Variants in USB1 observed in about 807,000 individuals in gnomAD.
The protein encoded by USB1 is U6 snRNA biogenesis phosphodiesterase 1.
USB1 carries 21 observed loss-of-function variants against 29.9 expected under a neutral mutation model. The ratio of observed to expected loss-of-function variants is 0.70; its 90% CI spans 0.50 to 1.01. The LOEUF (loss-of-function observed/expected upper bound fraction) is 1.01, where lower values mean the gene tolerates loss of function less well. Among genes scored for constraint, USB1 ranks in the 50% least tolerant of loss-of-function variants. The pLI, the probability that USB1 is intolerant of heterozygous loss-of-function variation, is 0.00. For synonymous variants in USB1, 143 were observed against 134.9 expected, an observed-to-expected ratio of 1.06 and a Z score of -0.42; for missense variants, 330 against 347.1, an observed-to-expected ratio of 0.95 and a Z score of 0.39.
chr16:58,006,365 A>C (rs1389465184), intron 2 of USB1, among the ~76,000 whole-genome samples: 7 of 144,736 alleles, frequency 4.8e-5, no homozygotes, highest in Admixed American at 1.4e-4. Context: ...AAAAAAAAAA[A>C]AACAAAAAAA....
At chr16:58,000,166 C>T (rs1008622198), upstream of USB1, among the ~76,000 whole-genome samples, 18 of 152,284 alleles carry the variant, frequency 1.2e-4, no homozygotes, top group Admixed American at 2.0e-4. The surrounding 1 kb of genome is among the most constrained non-coding windows in gnomAD (Gnocchi z 4.5). Flanking sequence ...ATGGCCCGGC[C>T]GCTGCGACCC....
In USB1 at chr16:58,020,457, CTT is replaced by C. The variant is rs1243511332; in HGVS notation, c.*214_*215del. On this transcript the variant is annotated 3_prime_UTR_variant, in exon 7 of 7. Coordinates refer to ENST00000219281, the MANE Select transcript of USB1 (RefSeq NM_024598.4). ...CTCTTCTTTCTCTCTCTTCTCCTCT[CTT>C]TCTCTCCTCTGTCTCTCTTCCTCTC... 5.1e-5 allele frequency: 31 copies of C among 605,042 alleles called. No homozygotes were observed. The highest frequency in any genetic ancestry group is 9.6e-5 in the South Asian group (5 of 52,252). 37.5% of individuals were successfully genotyped at this position (605,042 alleles called of 1,614,324 possible). A position where few individuals can be genotyped will look rare whatever the true frequency, so the allele number is the denominator to read the frequency against.
chr16:58,005,024 G>A (rs1963318069), intron 2 of USB1, among the ~76,000 whole-genome samples: 1 of 152,196 alleles, frequency 6.6e-6, no homozygotes, highest in African/African-American at 2.4e-5. Flanking sequence ...GCCCTTGCCT[G>A]CCTGGCAGCT....
At chr16:58,006,071 C>T (rs931722339) in intron 2 of USB1, among the ~76,000 whole-genome samples, 14 of 152,094 alleles carry the variant, frequency 9.2e-5, no homozygotes, top group African/African-American at 1.9e-4. Context: ...AAGAAAAACA[C>T]GCTGGGTGTG....
intron 3 of USB1, chr16:58,011,339 G>A: frequency 7.3e-7 from 1 of 1,377,782 alleles, no homozygotes; most frequent in Non-Finnish European, 9.4e-7. Flanking sequence ...CACCACTTGG[G>A]TGAAGGGTTA....
intron 2 of USB1, among the ~76,000 whole-genome samples, chr16:58,009,604 A>G (rs1326777030): frequency 6.6e-6 from 1 of 151,860 alleles, no homozygotes; most frequent in South Asian, 2.1e-4. Context: ...GGGCGCCCGT[A>G]GTCCCAGCTA....
chr16:58,009,900 G>A (rs1336535438), intron 2 of USB1, 29 bp from the exon 3 acceptor site: 11 of 1,613,808 alleles, frequency 6.8e-6, no homozygotes, highest in African/African-American at 4.0e-5. Context: ...CTGAGAGAAC[G>A]GCCCGCCCTC....
rs968364155 is a variant in USB1, at chr16:58,021,270, G to A, written c.*1025G>A. 1 of 152,280 alleles carries A rather than the reference G, an allele frequency of 6.6e-6. No individual in the cohort carries two copies. Among genetic ancestry groups the A allele is most frequent in the African/African-American group, 2.4e-5 (1 of 41,474 alleles). The allele number at this position is 152,280 out of a possible 1,614,324, so 9.4% of individuals were successfully genotyped here. On this transcript the variant is annotated 3_prime_UTR_variant, in exon 7 of 7. Coordinates refer to ENST00000219281, the MANE Select transcript of USB1 (RefSeq NM_024598.4). ...TCACCCCCAGCAAGGTGCCTGGGGA[G>A]ACTTGAGCAGATGTTTCATTTTGGC...
At position 58,005,505 on chromosome 16, in the gene USB1, C is replaced by G. The variant is rs1428554017; in HGVS notation, c.265+2860C>G. On this transcript the variant is annotated intron_variant, in intron 2 of 6. Coordinates refer to ENST00000219281, the MANE Select transcript of USB1 (RefSeq NM_024598.4). Reference sequence around the variant, plus strand: ...GTCTTCTGGTCACTTCTCACTATGTCCCCTCAGCTCCTATCTCTGTATGGC... The same window carrying G: ...GTCTTCTGGTCACTTCTCACTATGTGCCCTCAGCTCCTATCTCTGTATGGC... Among the ~76,000 whole-genome samples, 4 of 152,208 alleles carry G rather than the reference C, an allele frequency of 2.6e-5. No individual in the cohort carries two copies. The East Asian group carries it at 7.7e-4, about 29-fold the overall frequency.
Position 58,014,346 on chromosome 16 carries a change from A to G in USB1, c.503+20A>G, listed in dbSNP as rs1184266614. 6.2e-7 allele frequency: 1 copy of G among 1,603,526 alleles called. No homozygotes were observed. Among genetic ancestry groups the G allele is most frequent in the Non-Finnish European group, 8.5e-7 (1 of 1,170,490 alleles). ...AACCAGGTGGGTCCTCCCAACCCCC[A>G]ATCACCATCAGAGGAAGATTCTTTG... On this transcript the variant is annotated intron_variant, in intron 4 of 6. Coordinates refer to ENST00000219281, the MANE Select transcript of USB1 (RefSeq NM_024598.4).
chr16:58,003,982 T>C (rs1963294349), intron 2 of USB1, among the ~76,000 whole-genome samples: 2 of 152,106 alleles, frequency 1.3e-5, no homozygotes, highest in Non-Finnish European at 1.5e-5. Context: ...ATTTCTTTCA[T>C]GGATCTTGCC....
chr16:58,012,317 A>G, intron 3 of USB1: 1 of 1,535,454 alleles, frequency 6.5e-7, no homozygotes, highest in Non-Finnish European at 8.7e-7. Flanking sequence ...TCTCTTAACC[A>G]CAGGTGCCAG....
At position 58,020,470 on chromosome 16, in the gene USB1, G is replaced by C. The variant is rs1170159355; in HGVS notation, c.*225G>C. The C allele has an allele frequency of 7.1e-6, 4 of 567,058 alleles. No homozygotes were observed. The highest frequency in any genetic ancestry group is 2.9e-5 in the Admixed American group (1 of 34,022). 35.1% of individuals were successfully genotyped at this position (567,058 alleles called of 1,614,324 possible). On this transcript the variant is annotated 3_prime_UTR_variant, in exon 7 of 7. Transcript: ENST00000219281. ...CTCTTCTCCTCTCTTTCTCTCCTCTGTCTCTCTTCCTCTCCTCTCTTCCTC... is the reference window on the plus strand; with the variant it reads ...CTCTTCTCCTCTCTTTCTCTCCTCTCTCTCTCTTCCTCTCCTCTCTTCCTC...
At chr16:58,008,229 CTTAG>C (rs199855474) in intron 2 of USB1, among the ~76,000 whole-genome samples, 3,323 of 152,160 alleles carry the variant, frequency 0.022, 133 homozygotes, top group African/African-American at 0.075. Flanking sequence ...CTCTATTTTT[CTTAG>C]TTAGCCTGGC....
chr16:58,013,103 G>A lies in USB1; in HGVS notation c.450-1170G>A, dbSNP rs1963536269. On this transcript the variant is annotated intron_variant, in intron 3 of 6. Transcript: ENST00000219281. The surrounding 1 kb of genome is among the most constrained non-coding windows in gnomAD (Gnocchi z 4.3). ...GAGCCTAAGGTGACCAAGAGTGGGCGGTGCACCCCTGATTCTGTTGCTGTG... is the reference window on the plus strand; with the variant it reads ...GAGCCTAAGGTGACCAAGAGTGGGCAGTGCACCCCTGATTCTGTTGCTGTG... 1.2e-5 allele frequency: 12 copies of A among 985,432 alleles called. No homozygotes were observed. The highest frequency in any genetic ancestry group is 4.7e-5 in the South Asian group (1 of 21,274). The allele number at this position is 985,432 out of a possible 1,614,324, so 61.0% of individuals were successfully genotyped here. A position where few individuals can be genotyped will look rare whatever the true frequency, so the allele number is the denominator to read the frequency against.
At chr16:58,000,546 CG>C, upstream of USB1, 1 of 150,092 alleles carries the variant, frequency 6.7e-6, no homozygotes, top group Middle Eastern at 3.4e-3. This position sits in a 1 kb window ranked among gnomAD's most constrained non-coding sequence, Gnocchi z 4.5. Context: ...GCGGCCGGAC[CG>C]GGGGCGGGGG....
intron 2 of USB1, among the ~76,000 whole-genome samples, chr16:58,007,538 C>T (rs562716430): frequency 2.0e-5 from 3 of 152,184 alleles, no homozygotes; most frequent in East Asian, 2.0e-4. Context: ...CCTACCACCA[C>T]GCCTGGCTAA....
intron 5 of USB1, among the ~76,000 whole-genome samples, chr16:58,018,196 AAGAT>A (rs1446455667): frequency 2.0e-5 from 3 of 152,112 alleles, no homozygotes; most frequent in Non-Finnish European, 4.4e-5. Flanking sequence ...CTAGAAGTCC[AAGAT>A]CAAGGTGACA....
Position 58,013,613 on chromosome 16 carries a change from TG to T in USB1, c.450-655del. ...GTTATTGATCTGAGGGGTGGGTGGG[TG>T]GGGGCATCTGTCTCGATTTCACACC... On this transcript the variant is annotated intron_variant, in intron 3 of 6. Transcript: ENST00000219281. This position sits in a 1 kb window ranked among gnomAD's most constrained non-coding sequence, Gnocchi z 4.3. 1 of 6,174 alleles carries T rather than the reference TG, an allele frequency of 1.6e-4. No homozygotes were observed. Among genetic ancestry groups the T allele is most frequent in the South Asian group, 6.6e-3 (1 of 152 alleles). The allele number at this position is 6,174 out of a possible 1,614,324, so 0.4% of individuals were successfully genotyped here.
Sources: gnomAD v4.1 joint callset for allele counts (sites outside exome capture counted in the v4.1 genomes callset) on GRCh38, gnomAD v4.1.1 for gene constraint, Gnocchi (gnomAD v3.1) non-coding constraint, MANE v1.5 for transcripts, NCBI Gene and HGNC (gene_info 2026-07-23, HGNC 2026-07-21) for gene names.